Variants in SNAPC4 observed in about 807,000 individuals in gnomAD.
The protein encoded by SNAPC4 is snRNA-activating protein complex subunit 4.
A neutral mutation model predicts 151.3 loss-of-function variants in SNAPC4; 127 were observed. That is an observed-to-expected ratio of 0.84 (90% CI 0.73 to 0.97). The LOEUF (loss-of-function observed/expected upper bound fraction) is 0.97, where lower values mean the gene tolerates loss of function less well. SNAPC4 is among the 50% of genes least tolerant of loss of function. The pLI, the probability that SNAPC4 is intolerant of heterozygous loss-of-function variation, is 0.00. For missense variants in SNAPC4, 2,186 were observed against 1,935.0 expected (o/e 1.13, Z -2.43); for synonymous variants, 1,002 against 824.4 (o/e 1.22, Z -3.69).
At chr9:136,376,264 C>T (rs771183410) in intron 23 of SNAPC4, 85 bp downstream of exon 23, 22 of 1,516,724 alleles carry the variant, frequency 1.5e-5, no homozygotes, top group Middle Eastern at 2.3e-4. Flanking sequence ...GCCAAAGAGC[C>T]GAGCAGAGGC....
chr9:136,387,881 GC>G (rs1298427153), intron 11 of SNAPC4, 33 bp from the exon 12 acceptor site: 1 of 1,209,866 alleles, frequency 8.3e-7, no homozygotes, highest in Non-Finnish European at 1.2e-6. Context: ...GTCCTGTGGG[GC>G]CGAGACACAC....
chr9:136,384,274 G>A (rs1469566508), intron 14 of SNAPC4, among the ~76,000 whole-genome samples: 1 of 152,078 alleles, frequency 6.6e-6, no homozygotes, highest in Non-Finnish European at 1.5e-5. Flanking sequence ...CGTCCTAAGC[G>A]CACACCACGG....
intron 16 of SNAPC4, 78 bp from the exon 17 acceptor site, chr9:136,382,414 C>G (rs552694005): frequency 1.3e-5 from 15 of 1,196,516 alleles, no homozygotes; most frequent in Non-Finnish European, 1.7e-5. Flanking sequence ...TGCCCACACA[C>G]GACTGCCTCT....
chr9:136,398,045 G>A (rs2131524186), intron 2 of SNAPC4, among the ~76,000 whole-genome samples: 1 of 152,206 alleles, frequency 6.6e-6, no homozygotes, highest in Middle Eastern at 3.4e-3. Context: ...ATTGGGTCTG[G>A]TCCAAGCAGC....
At chr9:136,382,611 C>G (rs145739120) in intron 16 of SNAPC4, among the ~76,000 whole-genome samples, 49 of 152,328 alleles carry the variant, frequency 3.2e-4, no homozygotes, top group Admixed American at 6.5e-4. Context: ...GGTGACGCCC[C>G]GGCCTAGGGA....
rs1166213299 is a variant in SNAPC4 at position 136,378,690 on chromosome 9, G to T, written c.3137C>A (p.Ala1046Glu). The change falls in exon 22 of 24, where the codon GCA becomes GAA. Residue 1046 changes from alanine (A) to glutamate (E), a missense_variant. Physicochemically the swap from Ala to Glu is moderately radical, Grantham distance 107. Transcript: ENST00000684778. ...GGGCAGTGGGGTGGGGCTGGGGGCTGCGGGGAGAAAGGGTGGCGCCTCAGG... is the reference window on the plus strand; with the variant it reads ...GGGCAGTGGGGTGGGGCTGGGGGCTTCGGGGAGAAAGGGTGGCGCCTCAGG... ...GLPEAPPFLP[A>E]APSPTPLPVQ... is the part of the protein sequence containing the mutation. 5 of 1,496,154 alleles carry T rather than the reference G, an allele frequency of 3.3e-6. No individual in the cohort carries two copies. The highest frequency in any genetic ancestry group is 2.8e-5 in the African/African-American group (2 of 72,044). The allele number at this position is 1,496,154 out of a possible 1,614,324, so 92.7% of individuals were successfully genotyped here.
In SNAPC4 at chr9:136,378,846, G is replaced by C. The variant is rs758525011; in HGVS notation, c.2981C>G (p.Ser994Ter). 10 of 1,607,382 alleles carry C rather than the reference G, an allele frequency of 6.2e-6. No homozygotes were observed. Among genetic ancestry groups the C allele is most frequent in the Non-Finnish European group, 6.8e-6 (8 of 1,177,394 alleles). The stretch of plus-strand genomic sequence containing the variant: ...AGCAGGGGCTGTGCCCTCGGCCTCT[G>C]AGAAGACAGGAGCGAGGGGCAGGGC... ...MQALPLAPVF[S>*]EAEGTAPAAS... Residue 994 changes from serine (S) to a stop codon, truncating the protein, a stop_gained, in exon 22 of 24, where the codon TCA becomes TGA. Transcript: ENST00000684778. LOFTEE classifies it high-confidence loss of function.
intron 2 of SNAPC4, 106 bp from the exon 3 acceptor site, chr9:136,397,129 A>G (rs1435620437): frequency 2.0e-6 from 2 of 991,360 alleles, no homozygotes; most frequent in African/African-American, 3.2e-5. Context: ...TGAGGTAGTG[A>G]CAGCGCCTCA....
chr9:136,383,764 G>A lies in SNAPC4; in HGVS notation c.1501-96C>T. 3 of 1,496,148 alleles carry A rather than the reference G, an allele frequency of 2.0e-6. No individual in the cohort carries two copies. The highest frequency in any genetic ancestry group is 1.3e-5 in the South Asian group (1 of 78,696). The allele number at this position is 1,496,148 out of a possible 1,614,324, so 92.7% of individuals were successfully genotyped here. ...AGCCCTTTGGGGAGAGGCCCAAGCG[G>A]GGGCGCCTCCGGGGTCAAGAGCAGC... is the stretch of plus-strand genomic sequence containing the variant. On this transcript the variant is annotated intron_variant, in intron 15 of 23. Coordinates refer to ENST00000684778, the MANE Select transcript of SNAPC4 (RefSeq NM_003086.4). The surrounding 1 kb of genome is among the most constrained non-coding windows in gnomAD (Gnocchi z 4.2).
chr9:136,384,314 C>T (rs572953291), intron 14 of SNAPC4, among the ~76,000 whole-genome samples: 3 of 152,292 alleles, frequency 2.0e-5, no homozygotes, highest in East Asian at 3.9e-4. Context: ...CCCAGGCTTC[C>T]GCACCAGCCA....
chr9:136,384,777 G>A lies in SNAPC4; in HGVS notation c.1363C>T (p.Arg455Trp), dbSNP rs919032333. The change falls in exon 14 of 24, where the codon CGG (arginine) becomes TGG (tryptophan). Residue 455 changes from arginine to tryptophan, a missense_variant. Transcript: ENST00000684778. ...RRLHFSLKKG[R>W]WNLKEEEQLI... ...TGTTCCTCTTCTTTTAAATTCCACC[G>A]ACCCTTTTTCAAGCTGAAATGTAAT... 25 of 1,594,760 alleles carry A rather than the reference G, an allele frequency of 1.6e-5. No homozygotes were observed. The highest frequency in any genetic ancestry group is 1.7e-4 in the Middle Eastern group (1 of 6,032).
chr9:136,380,597 G>A (rs371415347), intron 20 of SNAPC4, 143 bp downstream of exon 20: 62 of 601,458 alleles, frequency 1.0e-4, no homozygotes, highest in African/African-American at 9.0e-4. Flanking sequence ...TCAAGGCTGC[G>A]TCCCCTCAGG....
intron 22 of SNAPC4, 96 bp from the exon 23 acceptor site, chr9:136,376,577 T>C (rs777880003): frequency 4.0e-5 from 58 of 1,465,610 alleles, no homozygotes; most frequent in Non-Finnish European, 5.2e-5. Context: ...TGTGGGTGAG[T>C]GTCCCACTTG....
chr9:136,394,854 G>T lies in SNAPC4; in HGVS notation c.496C>A (p.Arg166=), dbSNP rs747793418. The change falls in exon 6 of 24, where the codon CGA becomes AGA. Residue 166 remains arginine, a synonymous_variant. Transcript: ENST00000684778. Reference sequence around the variant, plus strand: ...TTGATCCCCTGGGCAGCCTTCTCTCGTGTGTCCTCGTTGGCAGGTGGCCCC... The same window carrying T: ...TTGATCCCCTGGGCAGCCTTCTCTCTTGTGTCCTCGTTGGCAGGTGGCCCC... ...GVGPPANEDT[R]EKAAQGIKAF... The T allele has an allele frequency of 3.9e-5, 63 of 1,613,728 alleles. No homozygotes were observed. The highest frequency in any genetic ancestry group is 5.0e-5 in the Admixed American group (3 of 60,002).
At chr9:136,392,849 AC>A (rs1190879405) in intron 7 of SNAPC4, 72 bp from the exon 8 acceptor site, 3 of 1,224,136 alleles carry the variant, frequency 2.5e-6, no homozygotes, top group African/African-American at 1.5e-5. Flanking sequence ...TCTGCACATT[AC>A]AGGGCAAGGA....
chr9:136,383,607 G>A lies in SNAPC4; in HGVS notation c.1562C>T (p.Thr521Ile). The change falls in exon 16 of 24, where the codon ACC becomes ATC. Residue 521 changes from threonine (T) to isoleucine (I), a missense_variant. Thr to Ile is a moderately conservative substitution (Grantham distance 89). Coordinates refer to ENST00000684778, the MANE Select transcript of SNAPC4 (RefSeq NM_003086.4). This position sits in a 1 kb window ranked among gnomAD's most constrained non-coding sequence, Gnocchi z 4.2. ...GCCACTGCTGCTGCCGCTGCTGCTG[G>A]TAGAGCTCCACCGGACGCTGTGACG... ...RARHSVRWSS[T>I]SSSGSSSGSS... 1.9e-6 allele frequency: 3 copies of A among 1,612,156 alleles called. No individual in the cohort carries two copies. The highest frequency in any genetic ancestry group is 2.5e-6 in the Non-Finnish European group (3 of 1,179,734).
intron 6 of SNAPC4, 69 bp from the exon 7 acceptor site, chr9:136,394,399 T>C: frequency 7.1e-7 from 1 of 1,403,786 alleles, no homozygotes; most frequent in African/African-American, 1.4e-5. Context: ...CCACGGTTGG[T>C]GTGCACTTCC....
Position 136,392,604 on chromosome 9 carries a change from G to C in SNAPC4, c.738-10C>G. On this transcript the variant is annotated splice_polypyrimidine_tract_variant and intron_variant, in intron 8 of 23. Coordinates refer to ENST00000684778, the MANE Select transcript of SNAPC4 (RefSeq NM_003086.4). Reference sequence around the variant, plus strand: ...CTCTTCTGGAAGCTGGCTGGTGGAAGGGATGAGGGTATTGGCACCACGCCT... The same window carrying C: ...CTCTTCTGGAAGCTGGCTGGTGGAACGGATGAGGGTATTGGCACCACGCCT... The C allele has an allele frequency of 6.2e-7, 1 of 1,613,850 alleles. No homozygotes were observed.
Position 136,397,006 on chromosome 9 carries a change from C to T in SNAPC4, c.148G>A (p.Asp50Asn), listed in dbSNP as rs201038117. 4 of 1,612,776 alleles carry T rather than the reference C, an allele frequency of 2.5e-6. No individual in the cohort carries two copies. The highest frequency in any genetic ancestry group is 1.7e-5 in the Admixed American group (1 of 60,008). ...DSEADSLPSE[D>N]LDPADPPISE... ...ATCGGGGGATCGGCAGGATCCAAGT[C>T]CTCAGAAGGCAGTGAATCTGTCAGA... The change falls in exon 3 of 24, where the codon GAC (aspartate) becomes AAC (asparagine). Residue 50 changes from aspartate to asparagine, a missense_variant. Asp to Asn is a conservative substitution (Grantham distance 23, BLOSUM62 1). Transcript: ENST00000684778.
Sources: gnomAD v4.1 joint callset for allele counts (sites outside exome capture counted in the v4.1 genomes callset) on GRCh38, gnomAD v4.1.1 for gene constraint, Gnocchi (gnomAD v3.1) non-coding constraint, MANE v1.5 for transcripts, NCBI Gene and HGNC (gene_info 2026-07-23, HGNC 2026-07-21) for gene names.